The following LRRC18 variants were observed in gnomAD, a reference collection of about 807,000 sequenced individuals.
LRRC18 encodes the protein leucine-rich repeat-containing protein 18.
Under a neutral mutation model 11.2 loss-of-function variants are expected in LRRC18, and 12 were observed. That is an observed-to-expected ratio of 1.07 (90% confidence interval 0.69 to 1.74). The LOEUF is 1.74. Among genes scored for constraint, LRRC18 ranks in the 40% most tolerant of loss-of-function variants. The pLI is 0.00. For missense variants in LRRC18, 374 were observed against 330.5 expected (o/e 1.13, Z -1.02); for synonymous variants, 155 against 130.6 (o/e 1.19, Z -1.27).
At chr10:48,915,899 G>A (rs1838483089), upstream of LRRC18, among the ~76,000 whole-genome samples, 1 of 152,150 alleles carries the variant, frequency 6.6e-6, no homozygotes, top group Non-Finnish European at 1.5e-5. Context: ...TAATTGGCTG[G>A]TTTCCAGAGC....
chr10:48,919,036 A>T (rs1056909588), upstream of LRRC18, among the ~76,000 whole-genome samples: 20 of 152,240 alleles, frequency 1.3e-4, no homozygotes, highest in African/African-American at 4.8e-4. Flanking sequence ...TTTCAAGTAC[A>T]TATGGAATAT....
At chr10:48,918,101 T>TA (rs1045288489), upstream of LRRC18, among the ~76,000 whole-genome samples, 2 of 152,080 alleles carry the variant, frequency 1.3e-5, no homozygotes, top group Non-Finnish European at 2.9e-5. Context: ...TAGTAAATAG[T>TA]AAAAAACTAA....
the LRRC18 span, among the ~76,000 whole-genome samples, chr10:48,933,966 C>T: frequency 2.0e-5 from 3 of 152,074 alleles, no homozygotes; most frequent in Non-Finnish European, 2.9e-5. Context: ...ACTAACAAAC[C>T]GGTCTGCAGA....
chr10:48,915,744 T>C (rs993686032), upstream of LRRC18, among the ~76,000 whole-genome samples: 11 of 152,232 alleles, frequency 7.2e-5, no homozygotes, highest in African/African-American at 2.4e-4. Context: ...AAAGGCCTGA[T>C]GGATCACAGC....
intron 1 of LRRC18, 36 bp downstream of exon 3, chr10:48,913,356 C>T: frequency 6.3e-7 from 1 of 1,589,144 alleles, no homozygotes; most frequent in Non-Finnish European, 8.6e-7. Flanking sequence ...CTCCCTCTCT[C>T]TTTCCCTTCT....
chr10:48,915,878 A>G (rs1418990772), upstream of LRRC18, among the ~76,000 whole-genome samples: 1 of 152,068 alleles, frequency 6.6e-6, no homozygotes, highest in Non-Finnish European at 1.5e-5. Flanking sequence ...TGGACTCCCC[A>G]TTTTCGGGCA....
the LRRC18 span, among the ~76,000 whole-genome samples, chr10:48,929,276 T>G: frequency 6.8e-6 from 1 of 146,196 alleles, no homozygotes; most frequent in African/African-American, 2.5e-5. Context: ...GAAGGGAGGG[T>G]GGGAGGAGGC....
At chr10:48,913,769 G>A (rs775321236) in exon 1 of LRRC18, 13 of 1,614,114 alleles carry the variant, frequency 8.1e-6, no homozygotes, top group Non-Finnish European at 1.0e-5. Flanking sequence ...GGTGGTTCAA[G>A]CCTAGGTTCA....
At chr10:48,915,926 A>T (rs768083828), upstream of LRRC18, among the ~76,000 whole-genome samples, 6 of 152,248 alleles carry the variant, frequency 3.9e-5, no homozygotes, top group Non-Finnish European at 8.8e-5. Flanking sequence ...CATGTTCACC[A>T]ATACTGAACT....
the LRRC18 span, among the ~76,000 whole-genome samples, chr10:48,939,020 C>T: frequency 1.3e-5 from 2 of 152,194 alleles, no homozygotes; most frequent in African/African-American, 2.4e-5. Flanking sequence ...AAGTTGCCCA[C>T]AGGCCCCAGT....
chr10:48,926,191 C>G, the LRRC18 span, among the ~76,000 whole-genome samples: 1 of 152,218 alleles, frequency 6.6e-6, no homozygotes, highest in Non-Finnish European at 1.5e-5. Flanking sequence ...TCCTATGACT[C>G]TCAGGCTGAA....
At chr10:48,914,658 G>A (rs1381018999), upstream of LRRC18, among the ~76,000 whole-genome samples, 1 of 152,170 alleles carries the variant, frequency 6.6e-6, no homozygotes, top group Non-Finnish European at 1.5e-5. Context: ...GAGTTTTCCA[G>A]CCAACATAAG....
At chr10:48,910,179 T>C (rs777769534) in exon 2 of LRRC18, 2 of 1,446,386 alleles carry the variant, frequency 1.4e-6, no homozygotes, top group African/African-American at 1.4e-5. Flanking sequence ...GGGCTTCTCC[T>C]CTTCAGAGTC....
chr10:48,921,809 G>A, the LRRC18 span, among the ~76,000 whole-genome samples: 6 of 152,076 alleles, frequency 3.9e-5, no homozygotes, highest in African/African-American at 7.2e-5. Flanking sequence ...CACAAAAATC[G>A]ATAGTGCAAA....
chr10:48,913,697 G>A (rs748422745), exon 1 of LRRC18: 67 of 1,612,800 alleles, frequency 4.2e-5, no homozygotes, highest in Non-Finnish European at 5.5e-5. Context: ...TCAGTAGGTT[G>A]TCATGGAGCC....
At chr10:48,917,625 C>T (rs1472132682), upstream of LRRC18, among the ~76,000 whole-genome samples, 2 of 152,296 alleles carry the variant, frequency 1.3e-5, no homozygotes, top group African/African-American at 4.8e-5. Context: ...GAACTATCAA[C>T]CCAGACTGTG....
chr10:48,933,861 G>A, the LRRC18 span, among the ~76,000 whole-genome samples: 1 of 152,120 alleles, frequency 6.6e-6, no homozygotes, highest in African/African-American at 2.4e-5. Flanking sequence ...CCGCTGATAG[G>A]AAGGGAGAAA....
the LRRC18 span, among the ~76,000 whole-genome samples, chr10:48,930,073 T>G: frequency 6.6e-6 from 1 of 152,068 alleles, no homozygotes; most frequent in Non-Finnish European, 1.5e-5. Flanking sequence ...ACTTGTCCAT[T>G]TCAGTTCCTA....
At chr10:48,925,087 C>T in the LRRC18 span, among the ~76,000 whole-genome samples, 3 of 152,226 alleles carry the variant, frequency 2.0e-5, no homozygotes, top group African/African-American at 7.2e-5. Context: ...ATATCTTTTA[C>T]TTGTCGGTCA....
Sources: gnomAD v4.1 joint callset for allele counts (sites outside exome capture counted in the v4.1 genomes callset) on GRCh38, gnomAD v4.1.1 for gene constraint, MANE v1.5 for transcripts, NCBI Gene and HGNC (gene_info 2026-07-23, HGNC 2026-07-21) for gene names.